The following GNG12 variants were observed in gnomAD, a reference collection of about 807,000 sequenced individuals.
GNG12 encodes guanine nucleotide-binding protein G(I)/G(S)/G(O) subunit gamma-12.
For synonymous variants in GNG12, 28 were observed against 29.7 expected (o/e 0.94, Z 0.19); for missense variants, 69 against 83.8 (o/e 0.82, Z 0.69).
rs1646241272 is a variant in GNG12 at position 67,705,454 on chromosome 1, T to C, written c.216A>G (p.Leu72=). The change falls in exon 4 of 4, where the codon TTA becomes TTG. Residue 72 remains leucine (L), a synonymous_variant. Coordinates refer to ENST00000370982, the MANE Select transcript of GNG12 (RefSeq NM_018841.6). ...GAGGAGCTGTTTCTCTATTCCACTA[T>C]AAGATGATGCAAGTTTTTTTATCCT... ...PFKDKKTCII[L] 3 of 1,613,982 alleles carry C rather than the reference T, an allele frequency of 1.9e-6. No homozygotes were observed. The highest frequency in any genetic ancestry group is 2.2e-5 in the East Asian group (1 of 44,886).
At chr1:67,790,684 T>G (rs1208725830) in intron 1 of GNG12, among the ~76,000 whole-genome samples, 1 of 151,422 alleles carries the variant, frequency 6.6e-6, no homozygotes, top group African/African-American at 2.4e-5. Flanking sequence ...ATCTCGGCTC[T>G]CTGTAACCTC....
chr1:67,709,900 A>T (rs1467128302), intron 2 of GNG12, among the ~76,000 whole-genome samples: 1 of 105,690 alleles, frequency 9.5e-6, no homozygotes, highest in Non-Finnish European at 1.7e-5. Context: ...TTATATATAT[A>T]TTTTTATATA....
Position 67,761,598 on chromosome 1 carries a change from T to G in GNG12, c.-27+15860A>C, listed in dbSNP as rs572968088. Among the ~76,000 whole-genome samples the G allele has an allele frequency of 2.6e-5, 4 of 152,292 alleles. No individual in the cohort carries two copies. The East Asian group carries it at 7.7e-4, about 29-fold the overall frequency. On this transcript the variant is annotated intron_variant, in intron 2 of 3. Transcript: ENST00000370982. ...GGGTAATTCTGGGTCCCTAGAAGTA[T>G]CTACAAAGCCTGCAAGGTCAAGTGC...
chr1:67,738,622 C>T (rs1204529237), intron 2 of GNG12, among the ~76,000 whole-genome samples: 1 of 152,284 alleles, frequency 6.6e-6, no homozygotes, highest in African/African-American at 2.4e-5. Flanking sequence ...GTAGCTCACA[C>T]CCACAATCCC....
chr1:67,829,521 G>C lies in GNG12; in HGVS notation c.-77+3823C>G, dbSNP rs115001545. On this transcript the variant is annotated intron_variant, in intron 1 of 3. Transcript: ENST00000370982. ...TTTTCCTGTTACAAAAATAATGCAT[G>C]CTCATTATACAACATTTAGAGAAAA... Among the ~76,000 whole-genome samples, 1,425 of 152,178 alleles carry C rather than the reference G, an allele frequency of 9.4e-3. 22 individuals carry two copies. Among genetic ancestry groups the C allele is most frequent in the African/African-American group, 0.033 (1,360 of 41,502 alleles).
chr1:67,765,366 T>C (rs1006578498), intron 2 of GNG12, among the ~76,000 whole-genome samples: 4 of 152,182 alleles, frequency 2.6e-5, no homozygotes, highest in Non-Finnish European at 4.4e-5. Context: ...ATATTGCACT[T>C]GAGGGATGAA....
At chr1:67,766,744 C>T (rs1219548913) in intron 2 of GNG12, among the ~76,000 whole-genome samples, 2 of 152,116 alleles carry the variant, frequency 1.3e-5, no homozygotes, top group Admixed American at 6.5e-5. Context: ...TGCTGGAGGT[C>T]TGAGTGCCTG....
chr1:67,824,087 A>G (rs1261262529), intron 1 of GNG12, among the ~76,000 whole-genome samples: 2 of 152,344 alleles, frequency 1.3e-5, no homozygotes, highest in Middle Eastern at 3.4e-3. Flanking sequence ...TTAAAATACC[A>G]TATATTCTTA....
intron 2 of GNG12, among the ~76,000 whole-genome samples, chr1:67,752,742 T>G (rs546043012): frequency 6.0e-4 from 91 of 152,254 alleles, no homozygotes; most frequent in Non-Finnish European, 1.1e-3. Flanking sequence ...TAACTGACAG[T>G]TGACTAAGGT....
chr1:67,721,194 T>C (rs1646354319), intron 2 of GNG12, among the ~76,000 whole-genome samples: 1 of 152,060 alleles, frequency 6.6e-6, no homozygotes. Flanking sequence ...CAATACTATA[T>C]GAAGTGAGAG....
intron 2 of GNG12, among the ~76,000 whole-genome samples, chr1:67,748,792 T>A (rs765040877): frequency 2.6e-5 from 4 of 152,214 alleles, no homozygotes; most frequent in Non-Finnish European, 5.9e-5. Context: ...ATCATTAACA[T>A]GCTACTTTTG....
At chr1:67,817,576 A>AC (rs36035424) in intron 1 of GNG12, among the ~76,000 whole-genome samples, 39,155 of 151,736 alleles carry the variant, frequency 0.26, 5,679 homozygotes, top group Admixed American at 0.34. Flanking sequence ...AGCCCGGCAC[A>AC]CCCCTCCTCT....
intron 1 of GNG12, among the ~76,000 whole-genome samples, chr1:67,799,099 T>C (rs1384866282): frequency 1.3e-5 from 2 of 152,236 alleles, no homozygotes; most frequent in South Asian, 2.1e-4. Flanking sequence ...TAAGTGACTG[T>C]ATATGTTATT....
chr1:67,815,164 A>G (rs559228177), intron 1 of GNG12, among the ~76,000 whole-genome samples: 2 of 152,338 alleles, frequency 1.3e-5, no homozygotes, highest in African/African-American at 4.8e-5. Flanking sequence ...AAAATTTTTT[A>G]AATGGTATTT....
chr1:67,785,588 T>C (rs1356405107), intron 1 of GNG12, among the ~76,000 whole-genome samples: 1 of 152,140 alleles, frequency 6.6e-6, no homozygotes, highest in Admixed American at 6.6e-5. Context: ...GGAGCACTCG[T>C]TCGATGTTTT....
rs1213531572 is a variant in GNG12 at position 67,811,977 on chromosome 1, G to A, written c.-77+21367C>T. On this transcript the variant is annotated intron_variant, in intron 1 of 3. Transcript: ENST00000370982. ...ACATAGGCTGACAATAAGTAAAGGA[G>A]CCAAAGAAGGAAAATCAAGATAGAC... Among the ~76,000 whole-genome samples, 4 of 152,310 alleles carry A rather than the reference G, an allele frequency of 2.6e-5. No individual in the cohort carries two copies. The East Asian group carries it at 7.7e-4, about 29-fold the overall frequency.
intron 1 of GNG12, among the ~76,000 whole-genome samples, chr1:67,814,194 A>T (rs1328907031): frequency 6.6e-6 from 1 of 152,154 alleles, no homozygotes; most frequent in East Asian, 1.9e-4. Flanking sequence ...ACAAAAAAAA[A>T]TTGTGCTTGC....
chr1:67,709,897 TATA>T, intron 2 of GNG12, among the ~76,000 whole-genome samples: 1 of 109,856 alleles, frequency 9.1e-6, no homozygotes, highest in Non-Finnish European at 1.7e-5. Context: ...TAGTTATATA[TATA>T]TTTTTATATA....
At chr1:67,818,772 G>T (rs1646969134) in intron 1 of GNG12, among the ~76,000 whole-genome samples, 1 of 152,102 alleles carries the variant, frequency 6.6e-6, no homozygotes. Flanking sequence ...GCATGGTTAT[G>T]AGTGCTTCAC....
Sources: gnomAD v4.1 joint callset for allele counts (sites outside exome capture counted in the v4.1 genomes callset) on GRCh38, gnomAD v4.1.1 for gene constraint, MANE v1.5 for transcripts, NCBI Gene and HGNC (gene_info 2026-07-23, HGNC 2026-07-21) for gene names.